Variants in FARS2 observed in about 807,000 individuals in gnomAD.
FARS2 encodes the protein phenylalanine--tRNA ligase, mitochondrial.
Under a neutral mutation model 46.4 loss-of-function variants are expected in FARS2, and 40 were observed. That is an observed-to-expected ratio of 0.86 (90% CI 0.67 to 1.12). FARS2 has a LOEUF of 1.12. Among genes scored for constraint, FARS2 ranks in the 50% most tolerant of loss-of-function variants. FARS2 has a pLI of 0.00. For synonymous variants in FARS2, 234 were observed against 214.9 expected (o/e 1.09, Z -0.78); for missense variants, 513 against 567.9 (o/e 0.90, Z 0.98).
chr6:5,626,876 TA>T (rs1776059298), intron 6 of FARS2, among the ~76,000 whole-genome samples: 1 of 152,260 alleles, frequency 6.6e-6, no homozygotes, highest in Non-Finnish European at 1.5e-5. Flanking sequence ...AGGTGCAGCC[TA>T]CTGCACACAT....
chr6:5,454,848 T>C (rs144181570), intron 4 of FARS2, among the ~76,000 whole-genome samples: 4 of 152,318 alleles, frequency 2.6e-5, no homozygotes, highest in Middle Eastern at 3.4e-3. Flanking sequence ...AGCAAGCCTT[T>C]CGGTTCTCCC....
rs1405465496 is a variant in FARS2 at position 5,565,914 on chromosome 6, C to T, written c.1065+20574C>T. On this transcript the variant is annotated intron_variant, in intron 5 of 6. Coordinates refer to ENST00000274680, the MANE Select transcript of FARS2 (RefSeq NM_006567.5). ...ATTTTGTGCAAAGCCAAATTTTACCCTTGCATTAGTTTATTAATGTTAACC... is the reference window on the plus strand; with the variant it reads ...ATTTTGTGCAAAGCCAAATTTTACCTTTGCATTAGTTTATTAATGTTAACC... 2.6e-5 allele frequency among the ~76,000 whole-genome samples: 4 copies of T among 152,276 alleles called. No individual in the cohort carries two copies. In the East Asian group the frequency reaches 7.7e-4, roughly 29 times the overall value.
chr6:5,255,738 A>C, the FARS2 span, among the ~76,000 whole-genome samples: 12 of 152,144 alleles, frequency 7.9e-5, no homozygotes, highest in African/African-American at 2.2e-4. Flanking sequence ...GGCATGACCA[A>C]ACTTTTGGGC....
chr6:5,599,313 A>G (rs1164641567), intron 5 of FARS2, among the ~76,000 whole-genome samples: 2 of 152,202 alleles, frequency 1.3e-5, no homozygotes, highest in Non-Finnish European at 2.9e-5. Flanking sequence ...CTTAAAGTAC[A>G]TGATGGCACA....
At chr6:5,538,159 AAAAAAAAT>A (rs1770338754) in intron 4 of FARS2, among the ~76,000 whole-genome samples, 1 of 151,964 alleles carries the variant, frequency 6.6e-6, no homozygotes, top group African/African-American at 2.4e-5. Flanking sequence ...AAAAAAAAAA[AAAAAAAAT>A]ACTGCCTTAA....
chr6:5,445,116 A>G (rs1359988991), intron 4 of FARS2, among the ~76,000 whole-genome samples: 1 of 152,218 alleles, frequency 6.6e-6, no homozygotes, highest in Non-Finnish European at 1.5e-5. Flanking sequence ...AAAATTGCCT[A>G]GCAGCAGGAC....
chr6:5,701,005 A>T (rs1394009435), intron 6 of FARS2, among the ~76,000 whole-genome samples: 2 of 152,232 alleles, frequency 1.3e-5, no homozygotes, highest in Middle Eastern at 3.2e-3. Context: ...CAAGACTTTT[A>T]TGAGCACAGC....
chr6:5,752,394 G>A (rs1761997459), intron 6 of FARS2, among the ~76,000 whole-genome samples: 3 of 152,154 alleles, frequency 2.0e-5, no homozygotes, highest in Admixed American at 2.0e-4. Context: ...CAGCTGACAG[G>A]ATGGGCCTCA....
At chr6:5,320,004 G>C (rs2753252) in intron 1 of FARS2, among the ~76,000 whole-genome samples, 1 of 152,320 alleles carries the variant, frequency 6.6e-6, no homozygotes, top group East Asian at 1.9e-4. Flanking sequence ...GAAACAAAAA[G>C]CAAGTGCTTT....
rs534338656 is a variant in FARS2 at position 5,643,002 on chromosome 6, T to G, written c.1217+29682T>G. On this transcript the variant is annotated intron_variant, in intron 6 of 6. Transcript: ENST00000274680. Reference sequence around the variant, plus strand: ...GACATCTGGACGTGAACACAGCCTCTTCCCAGAGAGATGAGCTTAAAGAGA... The same window carrying G: ...GACATCTGGACGTGAACACAGCCTCGTCCCAGAGAGATGAGCTTAAAGAGA... Among the ~76,000 whole-genome samples the G allele has an allele frequency of 2.0e-5, 3 of 152,346 alleles. No homozygotes were observed. In the South Asian group the frequency reaches 6.2e-4, roughly 32 times the overall value.
At chr6:5,453,874 C>G (rs138217638) in intron 4 of FARS2, among the ~76,000 whole-genome samples, 1 of 152,062 alleles carries the variant, frequency 6.6e-6, no homozygotes, top group Non-Finnish European at 1.5e-5. Context: ...GGAGAGCCCA[C>G]GAAGCCGTGC....
chr6:5,500,965 AGAG>A (rs1767766342), intron 4 of FARS2, among the ~76,000 whole-genome samples: 2 of 118,308 alleles, frequency 1.7e-5, no homozygotes, highest in African/African-American at 5.8e-5. Context: ...AGAGAGAGAG[AGAG>A]AGATGCCAGG....
At chr6:5,370,345 C>G (rs1486758419) in intron 2 of FARS2, among the ~76,000 whole-genome samples, 1 of 151,750 alleles carries the variant, frequency 6.6e-6, no homozygotes, top group Non-Finnish European at 1.5e-5. Flanking sequence ...GCCATCCGTG[C>G]TGGATCTCGG....
intron 5 of FARS2, among the ~76,000 whole-genome samples, chr6:5,596,177 T>C (rs545975305): frequency 1.3e-5 from 2 of 152,290 alleles, no homozygotes; most frequent in South Asian, 4.1e-4. Context: ...ACATTCAGCA[T>C]ATTCAGGGAG....
intron 6 of FARS2, among the ~76,000 whole-genome samples, chr6:5,752,487 T>C (rs912396891): frequency 2.6e-5 from 4 of 152,184 alleles, no homozygotes; most frequent in Admixed American, 6.5e-5. Context: ...TAGCTACTTA[T>C]TCAGAATGGC....
At chr6:5,556,432 T>C (rs1366351010) in intron 5 of FARS2, among the ~76,000 whole-genome samples, 1 of 151,880 alleles carries the variant, frequency 6.6e-6, no homozygotes, top group Non-Finnish European at 1.5e-5. Flanking sequence ...CCTTGTACCG[T>C]CAGTTTCCAT....
rs11969543 is a variant in FARS2 at position 5,597,155 on chromosome 6, C to T, written c.1066-16014C>T. Among the ~76,000 whole-genome samples the T allele has an allele frequency of 4.7e-4, 71 of 152,218 alleles. No homozygotes were observed. The East Asian group carries it at 0.012, about 25-fold the overall frequency. ...AGCACTCAGTACCTTCTTCTTCTCC[C>T]TACTAAGTTTGGCATTTGACCCAAC... On this transcript the variant is annotated intron_variant, in intron 5 of 6. Transcript: ENST00000274680.
At chr6:5,450,818 C>T (rs949244820) in intron 4 of FARS2, among the ~76,000 whole-genome samples, 5 of 152,064 alleles carry the variant, frequency 3.3e-5, no homozygotes, top group Non-Finnish European at 7.4e-5. Flanking sequence ...TTTCCCTCCT[C>T]CAGTCTGCCC....
chr6:5,539,426 G>T (rs1770468397), intron 4 of FARS2, among the ~76,000 whole-genome samples: 1 of 117,154 alleles, frequency 8.5e-6, no homozygotes, highest in Non-Finnish European at 1.6e-5. Context: ...TAGAGACGGG[G>T]TTTCACCATG....
Sources: gnomAD v4.1 joint callset for allele counts (sites outside exome capture counted in the v4.1 genomes callset) on GRCh38, gnomAD v4.1.1 for gene constraint, MANE v1.5 for transcripts, NCBI Gene and HGNC (gene_info 2026-07-23, HGNC 2026-07-21) for gene names.